Variants in ASTN2 observed in about 807,000 individuals in gnomAD.
The protein encoded by ASTN2 is astrotactin 2, also known as astrotactin-2.
Under a neutral mutation model 139.8 loss-of-function variants are expected in ASTN2, and 54 were observed. The ratio of observed to expected loss-of-function variants is 0.39; its 90% CI spans 0.31 to 0.48. ASTN2 has a LOEUF of 0.48. ASTN2 is among the 20% of genes least tolerant of loss of function. The pLI is 0.95. For synonymous variants in ASTN2, 756 were observed against 719.5 expected, an observed-to-expected ratio of 1.05 and a Z score of -0.81; for missense variants, 1,565 against 1,725.1, an observed-to-expected ratio of 0.91 and a Z score of 1.64.
chr9:116,886,132 C>T (rs1389112215), intron 10 of ASTN2, among the ~76,000 whole-genome samples: 1 of 152,160 alleles, frequency 6.6e-6, no homozygotes, highest in Non-Finnish European at 1.5e-5. Context: ...GGCCATAGAC[C>T]CACTGTCAGA....
At chr9:117,382,392 T>C (rs1830296425) in intron 1 of ASTN2, among the ~76,000 whole-genome samples, 1 of 152,222 alleles carries the variant, frequency 6.6e-6, no homozygotes, top group South Asian at 2.1e-4. Context: ...TGCCAGAGAC[T>C]GAACAAGGCA....
At chr9:117,230,402 C>T (rs568873452) in intron 2 of ASTN2, among the ~76,000 whole-genome samples, 36 of 152,132 alleles carry the variant, frequency 2.4e-4, no homozygotes, top group Admixed American at 4.6e-4. Flanking sequence ...TTCAAATCAC[C>T]TTCTTCTCCC....
At chr9:116,648,224 A>G (rs1264351573) in intron 17 of ASTN2, among the ~76,000 whole-genome samples, 1 of 151,802 alleles carries the variant, frequency 6.6e-6, no homozygotes, top group Non-Finnish European at 1.5e-5. Flanking sequence ...CTGGTCTTGA[A>G]CTCCTGACCT....
intron 11 of ASTN2, among the ~76,000 whole-genome samples, chr9:116,843,816 C>T (rs546022878): frequency 1.6e-4 from 24 of 152,222 alleles, no homozygotes; most frequent in African/African-American, 3.6e-4. Context: ...TTGGGCACTA[C>T]GCTTAGTACC....
intron 1 of ASTN2, among the ~76,000 whole-genome samples, chr9:117,346,123 T>C (rs893625628): frequency 5.9e-5 from 9 of 152,016 alleles, no homozygotes; most frequent in African/African-American, 2.2e-4. Flanking sequence ...CAAAGCTACC[T>C]GGCCCATGGG....
chr9:117,340,482 G>T, intron 1 of ASTN2, among the ~76,000 whole-genome samples: 1 of 151,372 alleles, frequency 6.6e-6, no homozygotes. Context: ...CACCTCTAAA[G>T]AATACATCAA....
At chr9:117,178,145 T>C (rs1471316701) in intron 3 of ASTN2, among the ~76,000 whole-genome samples, 1 of 152,210 alleles carries the variant, frequency 6.6e-6, no homozygotes, top group Admixed American at 6.5e-5. Context: ...GCTTCATCCC[T>C]TTCATTCTTT....
At chr9:117,184,928 T>C (rs565995304) in intron 3 of ASTN2, among the ~76,000 whole-genome samples, 99 of 152,334 alleles carry the variant, frequency 6.5e-4, no homozygotes, top group African/African-American at 2.4e-3. Flanking sequence ...ATTATTGCAT[T>C]TCATCCTGAA....
Position 117,291,356 on chromosome 9 carries a change from C to T in ASTN2, c.600G>A (p.Glu200=), listed in dbSNP as rs1161496134. The T allele has an allele frequency of 6.2e-7, 1 of 1,614,062 alleles. No homozygotes were observed. The highest frequency in any genetic ancestry group is 8.5e-7 in the Non-Finnish European group (1 of 1,180,014). Residue 200 remains glutamate, a synonymous_variant, in exon 2 of 23, where the codon GAG becomes GAA. Coordinates refer to ENST00000313400, the MANE Select transcript of ASTN2 (RefSeq NM_001365068.1). ...TLQEPSEIVE[E]QMHILHISVM... is the part of the protein sequence containing the mutation. ...CAGAAATGTGGAGGATGTGCATCTG[C>T]TCCTCAACAATCTCCGAGGGCTCCT... is the stretch of plus-strand genomic sequence containing the variant.
chr9:116,951,402 C>A (rs1835559111), intron 10 of ASTN2, among the ~76,000 whole-genome samples: 1 of 145,344 alleles, frequency 6.9e-6, no homozygotes, highest in Non-Finnish European at 1.5e-5. Context: ...TGTATGAGCC[C>A]ATCTCTCACA....
intron 2 of ASTN2, among the ~76,000 whole-genome samples, chr9:117,263,270 C>A (rs1833867520): frequency 1.3e-5 from 2 of 152,054 alleles, no homozygotes; most frequent in Non-Finnish European, 2.9e-5. Flanking sequence ...ATGAAACCTA[C>A]CCAGAGGAAA....
At chr9:117,317,931 G>A (rs149163457) in intron 1 of ASTN2, among the ~76,000 whole-genome samples, 8 of 152,358 alleles carry the variant, frequency 5.3e-5, no homozygotes, top group Non-Finnish European at 8.8e-5. Context: ...GATGCCTAAG[G>A]TGGTCACACA....
intron 11 of ASTN2, among the ~76,000 whole-genome samples, chr9:116,835,194 A>C (rs576708103): frequency 6.6e-5 from 10 of 152,244 alleles, no homozygotes; most frequent in Middle Eastern, 3.4e-3. Flanking sequence ...TGCCCAAATT[A>C]CTATCTGAGG....
intron 22 of ASTN2, among the ~76,000 whole-genome samples, chr9:116,437,011 A>G (rs1041471132): frequency 6.8e-6 from 1 of 147,952 alleles, no homozygotes; most frequent in African/African-American, 2.5e-5. Context: ...TTGAACAATG[A>G]GAACACACGG....
intron 2 of ASTN2, among the ~76,000 whole-genome samples, chr9:117,221,330 CTGTT>C (rs1349307049): frequency 6.6e-6 from 1 of 152,092 alleles, no homozygotes; most frequent in African/African-American, 2.4e-5. Flanking sequence ...ACTCAGTACA[CTGTT>C]TGGCCTGGCC....
intron 19 of ASTN2, among the ~76,000 whole-genome samples, chr9:116,527,100 A>C (rs1118060): frequency 5.8e-4 from 88 of 152,106 alleles, no homozygotes; most frequent in Admixed American, 2.0e-3. Context: ...AGAAGAAAAC[A>C]GTGGAAAAGT....
At position 116,446,286 on chromosome 9, in the gene ASTN2, G is replaced by T. The variant is rs200106358; in HGVS notation, c.3498-3733C>A. On this transcript the variant is annotated intron_variant, in intron 20 of 22. Transcript: ENST00000313400. Reference sequence around the variant, plus strand: ...AGAGAGAGAGATAGAGAGAGAGAGAGAGAGAGAGAGAGAGAGAGAGAGAAT... The same window carrying T: ...AGAGAGAGAGATAGAGAGAGAGAGATAGAGAGAGAGAGAGAGAGAGAGAAT... Among the ~76,000 whole-genome samples, 758 of 150,212 alleles carry T rather than the reference G, an allele frequency of 5.0e-3. 10 individuals carry two copies. The highest frequency in any genetic ancestry group is 0.017 in the Admixed American group (252 of 15,094).
intron 1 of ASTN2, among the ~76,000 whole-genome samples, chr9:117,294,305 A>G (rs1409780844): frequency 6.6e-6 from 1 of 152,282 alleles, no homozygotes; most frequent in Non-Finnish European, 1.5e-5. Flanking sequence ...ATCAGCAGAC[A>G]GTAAACGTTA....
chr9:117,152,201 A>G (rs2132882002), intron 3 of ASTN2, among the ~76,000 whole-genome samples: 1 of 152,292 alleles, frequency 6.6e-6, no homozygotes, highest in Middle Eastern at 3.4e-3. Context: ...CAATCAACTA[A>G]TTAAAGCATT....
Sources: gnomAD v4.1 joint callset for allele counts (sites outside exome capture counted in the v4.1 genomes callset) on GRCh38, gnomAD v4.1.1 for gene constraint, MANE v1.5 for transcripts, NCBI Gene and HGNC (gene_info 2026-07-23, HGNC 2026-07-21) for gene names.